NCOA2: variants seen among roughly 807,000 people sequenced by gnomAD.
The protein encoded by NCOA2 is nuclear receptor coactivator 2.
NCOA2 carries 21 observed loss-of-function variants against 145.1 expected under a neutral mutation model. The observed-to-expected ratio is 0.14, with a 90% confidence interval of 0.10 to 0.21. NCOA2 has a LOEUF of 0.21. NCOA2 is among the 10% of genes least tolerant of loss of function. The pLI, the probability that NCOA2 is intolerant of heterozygous loss-of-function variation, is 1.00. For missense variants in NCOA2, 1,472 were observed against 1,837.6 expected (o/e 0.80, Z 3.64); for synonymous variants, 619 against 637.5 (o/e 0.97, Z 0.44).
At chr8:70,405,437 GTTTTTTTTTTTTTT>G (rs34814735), upstream of NCOA2, among the ~76,000 whole-genome samples, 16 of 59,388 alleles carry the variant, frequency 2.7e-4, no homozygotes, top group South Asian at 1.9e-3. Context: ...ATTTTTAAAG[GTTTTTTTTTTTTTT>G]TTTTTTTTTT....
At chr8:70,405,286 G>A (rs1259492920), upstream of NCOA2, among the ~76,000 whole-genome samples, 1 of 151,974 alleles carries the variant, frequency 6.6e-6, no homozygotes, top group Non-Finnish European at 1.5e-5. Context: ...GTTTGTTTGT[G>A]GATAGAAAAT....
rs536590727 is a variant in NCOA2 at position 70,387,867 on chromosome 8, T to C, written c.-77+15833A>G. 5.9e-5 allele frequency among the ~76,000 whole-genome samples: 9 copies of C among 152,242 alleles called. No individual in the cohort carries two copies. The South Asian group carries it at 1.9e-3, about 32-fold the overall frequency. ...CCAAGCAGGTACAAGGAGAGTCCAA[T>C]TTGTAGATATTCTAGCCTGCAACCT... On this transcript the variant is annotated intron_variant, in intron 1 of 22. Transcript: ENST00000452400.
intron 2 of NCOA2, among the ~76,000 whole-genome samples, chr8:70,219,027 A>T (rs1175128099): frequency 6.6e-6 from 1 of 152,200 alleles, no homozygotes; most frequent in Non-Finnish European, 1.5e-5. Flanking sequence ...TTTGAGGATG[A>T]TTTAACATTA....
At chr8:70,162,335 T>C (rs1474049833) in intron 9 of NCOA2, among the ~76,000 whole-genome samples, 1 of 152,192 alleles carries the variant, frequency 6.6e-6, no homozygotes, top group Non-Finnish European at 1.5e-5. Flanking sequence ...CACTGTTACC[T>C]TCACCAGGGG....
intron 1 of NCOA2, among the ~76,000 whole-genome samples, chr8:70,335,069 G>A (rs1807447405): frequency 7.5e-6 from 1 of 133,572 alleles, no homozygotes; most frequent in Non-Finnish European, 1.5e-5. Context: ...GTTGCAGTGA[G>A]CTGAGATTGT....
chr8:70,289,795 TC>T (rs1270332333), intron 2 of NCOA2, among the ~76,000 whole-genome samples: 4 of 152,118 alleles, frequency 2.6e-5, no homozygotes, highest in African/African-American at 7.2e-5. Flanking sequence ...GTATGTTGAC[TC>T]CCTACTTGGC....
chr8:70,415,606 G>A, the NCOA2 span, among the ~76,000 whole-genome samples: 188 of 152,234 alleles, frequency 1.2e-3, no homozygotes, highest in African/African-American at 4.4e-3. Flanking sequence ...AATTGTGGGC[G>A]GGAATATTGG....
chr8:70,270,078 A>G (rs868124352), intron 2 of NCOA2, among the ~76,000 whole-genome samples: 6 of 152,190 alleles, frequency 3.9e-5, no homozygotes, highest in South Asian at 2.1e-4. Flanking sequence ...GCTACTGGGG[A>G]GGCTGCGGTG....
intron 2 of NCOA2, among the ~76,000 whole-genome samples, chr8:70,256,459 G>A (rs933771770): frequency 1.3e-5 from 2 of 152,176 alleles, no homozygotes; most frequent in African/African-American, 2.4e-5. Context: ...AAACCATGAA[G>A]AAGCAGTAGT....
intron 4 of NCOA2, among the ~76,000 whole-genome samples, chr8:70,185,374 T>C (rs914834887): frequency 1.4e-4 from 22 of 152,180 alleles, no homozygotes; most frequent in African/African-American, 4.8e-4. Flanking sequence ...TTATGCTAAA[T>C]CATATCATTG....
chr8:70,244,717 A>G (rs186501960), intron 2 of NCOA2, among the ~76,000 whole-genome samples: 99 of 152,220 alleles, frequency 6.5e-4, no homozygotes, highest in African/African-American at 2.3e-3. Context: ...CTCCTCCTGA[A>G]TTTTAGAAAA....
the NCOA2 span, among the ~76,000 whole-genome samples, chr8:70,441,996 GGAAAGAAAGAAATAAA>G: frequency 2.4e-5 from 1 of 42,312 alleles, no homozygotes; most frequent in Non-Finnish European, 6.8e-5. Flanking sequence ...GAGAAAGAAA[GGAAAGAAAGAAATAAA>G]GGAAAGAAAG....
chr8:70,143,455 C>A (rs1490173726), intron 13 of NCOA2, among the ~76,000 whole-genome samples: 1 of 151,980 alleles, frequency 6.6e-6, no homozygotes, highest in East Asian at 1.9e-4. Context: ...TTATATAAAT[C>A]AATATTTTAT....
chr8:70,170,008 A>G (rs901727600), intron 6 of NCOA2, among the ~76,000 whole-genome samples, 194 bp downstream of exon 6: 5 of 152,184 alleles, frequency 3.3e-5, no homozygotes, highest in Non-Finnish European at 7.3e-5. Context: ...TGAGATCAGT[A>G]TCTGAAGATG....
the NCOA2 span, among the ~76,000 whole-genome samples, chr8:70,433,595 T>C: frequency 2.6e-5 from 4 of 152,226 alleles, no homozygotes; most frequent in Non-Finnish European, 5.9e-5. Flanking sequence ...ACATTCTTTA[T>C]GCAATGCCGC....
chr8:70,335,143 A>ATT (rs1807464180), intron 1 of NCOA2, among the ~76,000 whole-genome samples: 1 of 149,384 alleles, frequency 6.7e-6, no homozygotes, highest in Non-Finnish European at 1.5e-5. Context: ...AAAAAAAAAA[A>ATT]AAAAAAAAAA....
chr8:70,332,569 TG>T (rs957892802), intron 1 of NCOA2, among the ~76,000 whole-genome samples: 2 of 152,132 alleles, frequency 1.3e-5, no homozygotes, highest in Non-Finnish European at 2.9e-5. Context: ...TGTTTTTAGG[TG>T]GGGGTGGCAA....
intron 2 of NCOA2, among the ~76,000 whole-genome samples, chr8:70,294,023 T>C (rs1207471408): frequency 2.0e-5 from 3 of 152,156 alleles, no homozygotes; most frequent in Non-Finnish European, 4.4e-5. Context: ...TTCAACAAAG[T>C]TGTCCTTCAG....
chr8:70,156,125 T>C lies in NCOA2; in HGVS notation c.2240A>G (p.Tyr747Cys). 6.2e-7 allele frequency: 1 copy of C among 1,613,988 alleles called. No homozygotes were observed. Among genetic ancestry groups the C allele is most frequent in the Non-Finnish European group, 8.5e-7 (1 of 1,179,894 alleles). The change falls in exon 11 of 23, where the codon TAT becomes TGT. Residue 747 changes from tyrosine to cysteine, a missense_variant. Coordinates refer to ENST00000452400, the MANE Select transcript of NCOA2 (RefSeq NM_006540.4). ...PKKKENALLR[Y>C]LLDKDDTKDI... ...TTTAGTATCATCTTTATCTAGCAAA[T>C]AGCGAAGTAGTGCATTCTCTTTCTT...
Sources: allele counts gnomAD v4.1 joint callset (sites outside exome capture counted in the v4.1 genomes callset), GRCh38; gene constraint gnomAD v4.1.1; transcripts MANE v1.5; gene names NCBI Gene and HGNC (gene_info 2026-07-23, HGNC 2026-07-21).